Variants in MDFIC2 observed in about 807,000 individuals in gnomAD.
The protein encoded by MDFIC2 is MyoD family inhibitor domain containing 2.
intron 2 of MDFIC2, among the ~76,000 whole-genome samples, chr3:70,248,315 T>C (rs1021731645): frequency 2.0e-5 from 3 of 152,110 alleles, no homozygotes; most frequent in African/African-American, 4.8e-5. Flanking sequence ...GGAGAAATAA[T>C]GTTCCACCTC....
intron 3 of MDFIC2, among the ~76,000 whole-genome samples, chr3:70,197,686 C>T (rs1015116655): frequency 2.0e-5 from 3 of 152,138 alleles, no homozygotes; most frequent in Non-Finnish European, 4.4e-5. Flanking sequence ...CCAGTGCAAG[C>T]GAAAAGCACA....
chr3:70,292,788 G>T (rs543631415), intron 2 of MDFIC2, among the ~76,000 whole-genome samples: 2 of 151,616 alleles, frequency 1.3e-5, no homozygotes, highest in African/African-American at 4.8e-5. Flanking sequence ...TTTTCTTTTC[G>T]TGGTTACACA....
At chr3:70,310,725 T>C (rs1452263711) in intron 2 of MDFIC2, among the ~76,000 whole-genome samples, 2 of 152,076 alleles carry the variant, frequency 1.3e-5, no homozygotes, top group Non-Finnish European at 2.9e-5. Flanking sequence ...AGAGTGGATG[T>C]GAGGGTATGA....
chr3:70,305,596 G>A (rs550610849), intron 2 of MDFIC2, among the ~76,000 whole-genome samples: 3 of 152,106 alleles, frequency 2.0e-5, no homozygotes, highest in Non-Finnish European at 2.9e-5. Context: ...TGGCATCTTT[G>A]TTTCTTTGTC....
chr3:70,206,989 T>C (rs1215738263), intron 2 of MDFIC2, among the ~76,000 whole-genome samples, 199 bp from the exon 3 acceptor site: 1 of 151,660 alleles, frequency 6.6e-6, no homozygotes, highest in Non-Finnish European at 1.5e-5. Flanking sequence ...TTTATACACA[T>C]TGCAAACTTT....
intron 2 of MDFIC2, among the ~76,000 whole-genome samples, chr3:70,209,351 T>G (rs1044625063): frequency 6.6e-6 from 1 of 152,098 alleles, no homozygotes; most frequent in African/African-American, 2.4e-5. Flanking sequence ...ACAAAATCAC[T>G]GTGGTTGAAA....
At chr3:70,206,095 C>T (rs766301794) in intron 3 of MDFIC2, among the ~76,000 whole-genome samples, 11 of 151,868 alleles carry the variant, frequency 7.2e-5, no homozygotes, top group Non-Finnish European at 1.3e-4. Context: ...GGGAACCACT[C>T]CTTTCTCATA....
At chr3:70,271,060 A>G (rs1191107695) in intron 2 of MDFIC2, among the ~76,000 whole-genome samples, 1 of 152,216 alleles carries the variant, frequency 6.6e-6, no homozygotes, top group African/African-American at 2.4e-5. Context: ...TGAAAATAAA[A>G]AAAAACAGTA....
At chr3:70,251,220 G>T (rs1701764761) in intron 2 of MDFIC2, among the ~76,000 whole-genome samples, 1 of 152,162 alleles carries the variant, frequency 6.6e-6, no homozygotes, top group Non-Finnish European at 1.5e-5. Flanking sequence ...GGTTATTACT[G>T]TCTCAGAATT....
intron 2 of MDFIC2, among the ~76,000 whole-genome samples, chr3:70,299,295 A>T (rs958488662): frequency 6.7e-6 from 1 of 150,008 alleles, no homozygotes; most frequent in African/African-American, 2.5e-5. Flanking sequence ...GCATAATCAT[A>T]TTTTATTAAA....
intron 2 of MDFIC2, chr3:70,302,746 C>T (rs1702363501): frequency 6.6e-6 from 1 of 152,130 alleles, no homozygotes; most frequent in African/African-American, 2.4e-5. Context: ...ACGAGAGTCT[C>T]TAAATGTGCT....
chr3:70,210,185 T>C (rs1444588571), intron 2 of MDFIC2, among the ~76,000 whole-genome samples: 1 of 152,136 alleles, frequency 6.6e-6, no homozygotes, highest in Non-Finnish European at 1.5e-5. Context: ...TTTAATTTTG[T>C]GACAATTTTA....
At chr3:70,289,696 C>T (rs1043232580) in intron 2 of MDFIC2, among the ~76,000 whole-genome samples, 2 of 152,246 alleles carry the variant, frequency 1.3e-5, no homozygotes, top group South Asian at 2.1e-4. Context: ...TTCAGGTACA[C>T]CAATCAGACC....
chr3:70,250,717 A>G (rs1187312353), intron 2 of MDFIC2, among the ~76,000 whole-genome samples: 1 of 152,134 alleles, frequency 6.6e-6, no homozygotes. Flanking sequence ...TCCACTGGCA[A>G]TTCTTTTGTT....
At chr3:70,303,386 C>A (rs1702368417) in intron 2 of MDFIC2, among the ~76,000 whole-genome samples, 1 of 152,016 alleles carries the variant, frequency 6.6e-6, no homozygotes. Flanking sequence ...GACTTGGACT[C>A]TTAAGGAGGA....
At chr3:70,299,227 G>C (rs571597565) in intron 2 of MDFIC2, among the ~76,000 whole-genome samples, 22 of 152,114 alleles carry the variant, frequency 1.4e-4, no homozygotes, top group Non-Finnish European at 3.2e-4. Flanking sequence ...TATGTTTATT[G>C]CCCTAGAAAG....
chr3:70,240,768 A>T (rs62254859), intron 2 of MDFIC2, among the ~76,000 whole-genome samples: 8,426 of 152,182 alleles, frequency 0.055, 243 homozygotes, highest in Middle Eastern at 0.075. Context: ...AGCAAGCCAC[A>T]AGTCTGAGTT....
At chr3:70,222,374 T>C (rs2106737703) in intron 2 of MDFIC2, among the ~76,000 whole-genome samples, 1 of 152,360 alleles carries the variant, frequency 6.6e-6, no homozygotes, top group East Asian at 1.9e-4. Flanking sequence ...TTGGCATTTT[T>C]ATTTTTGTCA....
At chr3:70,299,464 C>G (rs1394063387) in intron 2 of MDFIC2, among the ~76,000 whole-genome samples, 1 of 152,008 alleles carries the variant, frequency 6.6e-6, no homozygotes, top group Non-Finnish European at 1.5e-5. Context: ...CACACAAAAG[C>G]ACATACCCCT....
Sources: gnomAD v4.1 joint callset for allele counts (sites outside exome capture counted in the v4.1 genomes callset) on GRCh38, gnomAD v4.1.1 for gene constraint, MANE v1.5 for transcripts, NCBI Gene and HGNC (gene_info 2026-07-23, HGNC 2026-07-21) for gene names.